Variants in ALK observed in about 807,000 individuals in gnomAD.
ALK encodes the protein ALK receptor tyrosine kinase.
Under a neutral mutation model 163.1 loss-of-function variants are expected in ALK, and 74 were observed. That is an observed-to-expected ratio of 0.45 (90% confidence interval 0.38 to 0.55). ALK has a LOEUF of 0.55. Among genes scored for constraint, ALK ranks in the 20% least tolerant of loss-of-function variants. The pLI is 0.00. For synonymous variants in ALK, 960 were observed against 843.2 expected, an observed-to-expected ratio of 1.14 and a Z score of -2.40; for missense variants, 2,063 against 2,105.3, an observed-to-expected ratio of 0.98 and a Z score of 0.39.
intron 3 of ALK, among the ~76,000 whole-genome samples, chr2:29,664,493 C>G (rs1009298358): frequency 6.6e-6 from 1 of 152,062 alleles, no homozygotes; most frequent in African/African-American, 2.4e-5. Flanking sequence ...ACCTGGTCTT[C>G]TTGTGGCTAC....
chr2:29,324,270 A>G (rs527638170), intron 6 of ALK, among the ~76,000 whole-genome samples: 15 of 152,242 alleles, frequency 9.9e-5, no homozygotes, highest in Non-Finnish European at 8.8e-5. Flanking sequence ...GCTGCCAAGT[A>G]TAAACTCCAG....
At chr2:29,672,360 T>C (rs1198953675) in intron 3 of ALK, among the ~76,000 whole-genome samples, 5 of 147,904 alleles carry the variant, frequency 3.4e-5, no homozygotes, top group Non-Finnish European at 7.4e-5. Context: ...CAGAGTGTGA[T>C]GCTCCCCTTC....
chr2:29,193,902 G>T lies in ALK; in HGVS notation c.4185C>A (p.Thr1395=), dbSNP rs571470900. 6.2e-7 allele frequency: 1 copy of T among 1,614,150 alleles called. No homozygotes were observed. Among genetic ancestry groups the T allele is most frequent in the South Asian group, 1.1e-5 (1 of 91,076 alleles). ...YCTQDPDVIN[T]ALPIEYGPLV... The stretch of plus-strand genomic sequence containing the variant: ...GTGGACCATATTCTATCGGCAAAGC[G>T]GTGTTGATTACATCCGGGTCCTGCC... The change falls in exon 29 of 29, where the codon ACC becomes ACA. Residue 1395 remains threonine (T), a synonymous_variant. Coordinates refer to ENST00000389048, the MANE Select transcript of ALK (RefSeq NM_004304.5).
At chr2:29,831,259 G>GGAAGAAGAAGAAGAAGAA (rs201594262) in intron 1 of ALK, among the ~76,000 whole-genome samples, 1,386 of 28,186 alleles carry the variant, frequency 0.049, 258 homozygotes, top group Non-Finnish European at 0.068. Flanking sequence ...AAGAGGAAGA[G>GGAAGAAGAAGAAGAAGAA]GAAGAAGAAG....
chr2:29,555,977 T>C (rs992281686), intron 3 of ALK, among the ~76,000 whole-genome samples: 1 of 152,174 alleles, frequency 6.6e-6, no homozygotes, highest in Non-Finnish European at 1.5e-5. Flanking sequence ...AAAGAAACAA[T>C]CTAAAATGCC....
chr2:29,912,698 A>G (rs1233022497), intron 1 of ALK, among the ~76,000 whole-genome samples: 1 of 151,868 alleles, frequency 6.6e-6, no homozygotes, highest in Non-Finnish European at 1.5e-5. Flanking sequence ...TATATATTTT[A>G]TTTATAATAC....
intron 23 of ALK, 109 bp from the exon 24 acceptor site, chr2:29,214,190 G>C: frequency 2.2e-6 from 2 of 900,914 alleles, no homozygotes; most frequent in Middle Eastern, 3.2e-4. Flanking sequence ...TGAACATGCA[G>C]CTACACCAGG....
At chr2:29,812,446 A>T (rs1664781914) in intron 1 of ALK, among the ~76,000 whole-genome samples, 1 of 152,152 alleles carries the variant, frequency 6.6e-6, no homozygotes, top group South Asian at 2.1e-4. Flanking sequence ...GGGTGAGCTG[A>T]CTGCAACACA....
intron 3 of ALK, among the ~76,000 whole-genome samples, chr2:29,658,247 T>G (rs1677246814): frequency 1.3e-5 from 2 of 152,180 alleles, no homozygotes; most frequent in African/African-American, 2.4e-5. Flanking sequence ...GAGCACTATG[T>G]CAGCCTGCAG....
chr2:29,884,380 T>C (rs754350543), intron 1 of ALK, among the ~76,000 whole-genome samples: 11 of 152,110 alleles, frequency 7.2e-5, no homozygotes, highest in African/African-American at 9.7e-5. Flanking sequence ...AAGAAAAAGA[T>C]GAATTGCTTG....
At chr2:29,358,170 A>T (rs2148284671) in intron 5 of ALK, among the ~76,000 whole-genome samples, 1 of 152,354 alleles carries the variant, frequency 6.6e-6, no homozygotes, top group East Asian at 1.9e-4. Context: ...TGTGTCATGA[A>T]CATTTCATGC....
intron 5 of ALK, among the ~76,000 whole-genome samples, chr2:29,376,067 G>C (rs747546594): frequency 7.9e-5 from 12 of 151,896 alleles, no homozygotes; most frequent in Non-Finnish European, 1.2e-4. Flanking sequence ...TGGCCGGAAA[G>C]ATGTCAGCCC....
intron 5 of ALK, among the ~76,000 whole-genome samples, chr2:29,338,620 C>A (rs778596613): frequency 2.6e-5 from 4 of 152,174 alleles, no homozygotes; most frequent in Non-Finnish European, 4.4e-5. Flanking sequence ...TTTGGCTGTG[C>A]CTTGCCTCAC....
At chr2:29,511,199 A>T (rs1672501341) in intron 4 of ALK, among the ~76,000 whole-genome samples, 1 of 152,124 alleles carries the variant, frequency 6.6e-6, no homozygotes, top group Non-Finnish European at 1.5e-5. Context: ...TTACACTGAG[A>T]AACCACAACT....
chr2:29,754,057 G>C (rs1680447317), intron 1 of ALK, among the ~76,000 whole-genome samples: 1 of 152,246 alleles, frequency 6.6e-6, no homozygotes, highest in Non-Finnish European at 1.5e-5. Context: ...ACAACAAAAA[G>C]AGAGGAATTG....
intron 1 of ALK, among the ~76,000 whole-genome samples, chr2:29,818,060 C>A (rs1444831375): frequency 1.1e-4 from 16 of 152,112 alleles, no homozygotes; most frequent in Admixed American, 9.8e-4. Flanking sequence ...TTACAGATAC[C>A]CTCTTGGCTC....
chr2:29,363,310 TCACC>T (rs968343176), intron 5 of ALK, among the ~76,000 whole-genome samples: 1 of 152,242 alleles, frequency 6.6e-6, no homozygotes, highest in Admixed American at 6.5e-5. Flanking sequence ...CTAGGGGCCT[TCACC>T]GATGACAGCT....
intron 1 of ALK, among the ~76,000 whole-genome samples, chr2:29,839,487 C>T (rs909006109): frequency 3.3e-5 from 5 of 152,024 alleles, no homozygotes; most frequent in African/African-American, 1.2e-4. Flanking sequence ...AGGATAATTG[C>T]GGCAATTTTC....
chr2:29,252,219 G>A (rs1664835211), intron 11 of ALK, among the ~76,000 whole-genome samples: 1 of 125,500 alleles, frequency 8.0e-6, no homozygotes, highest in South Asian at 2.5e-4. Flanking sequence ...CTATCTTTGA[G>A]CCAGACCAAA....
Sources: allele counts gnomAD v4.1 joint callset (sites outside exome capture counted in the v4.1 genomes callset), GRCh38; gene constraint gnomAD v4.1.1; transcripts MANE v1.5; gene names NCBI Gene and HGNC (gene_info 2026-07-23, HGNC 2026-07-21).